The following MCM4 variants were observed in gnomAD, a reference collection of about 807,000 sequenced individuals.
MCM4 encodes the protein minichromosome maintenance complex component 4, also known as DNA replication licensing factor MCM4.
MCM4 carries 60 observed loss-of-function variants against 88.7 expected under a neutral mutation model. The observed-to-expected ratio is 0.68, with a 90% CI of 0.55 to 0.84. The LOEUF (loss-of-function observed/expected upper bound fraction) is 0.84, where lower values mean the gene tolerates loss of function less well. Ranked by LOEUF, MCM4 falls within the 40% of genes least tolerant of loss-of-function variation. MCM4 has a pLI of 0.00. For missense variants in MCM4, 1,149 were observed against 1,105.5 expected (o/e 1.04, Z -0.56); for synonymous variants, 465 against 410.5 (o/e 1.13, Z -1.61).
At chr8:47,966,144 A>G (rs931579455) in intron 8 of MCM4, 43 bp from the exon 9 acceptor site, 1 of 1,533,534 alleles carries the variant, frequency 6.5e-7, no homozygotes. Flanking sequence ...CTGGACCTCC[A>G]CACCTCAGGT....
Position 47,966,366 on chromosome 8 carries a change from G to A in MCM4, c.1012G>A (p.Ala338Thr), listed in dbSNP as rs760155775. ...CGRCHTTHSMALIHNRSLFSD... is the reference protein window; with the variant it reads ...CGRCHTTHSMTLIHNRSLFSD... Reference sequence around the variant, plus strand: ...GCGCTGCCACACCACCCACAGCATGGCACTCATCCACAACCGCTCCCTCTT... The same window carrying A: ...GCGCTGCCACACCACCCACAGCATGACACTCATCCACAACCGCTCCCTCTT... The change falls in exon 9 of 17, where the codon GCA becomes ACA. Residue 338 changes from alanine (A) to threonine (T), a missense_variant. Transcript: ENST00000649973. The A allele has an allele frequency of 1.9e-6, 3 of 1,613,582 alleles. No homozygotes were observed. The Admixed American group carries it at 5.0e-5, about 27-fold the overall frequency.
At chr8:47,972,124 C>T (rs1186784781) in intron 13 of MCM4, among the ~76,000 whole-genome samples, 2 of 149,132 alleles carry the variant, frequency 1.3e-5, no homozygotes, top group African/African-American at 2.5e-5. Context: ...CCCAGCTACT[C>T]GGGAGGCTGA....
intron 7 of MCM4, among the ~76,000 whole-genome samples, chr8:47,963,975 G>A (rs2090873167): frequency 6.6e-6 from 1 of 152,226 alleles, no homozygotes; most frequent in Admixed American, 6.5e-5. Flanking sequence ...TGTGATCCCA[G>A]CACTTTGGGA....
In MCM4 at chr8:47,962,055, A is replaced by T; in HGVS notation, c.238A>T (p.Ile80Phe). 4 of 1,613,836 alleles carry T rather than the reference A, an allele frequency of 2.5e-6. No homozygotes were observed. The highest frequency in any genetic ancestry group is 3.4e-6 in the Non-Finnish European group (4 of 1,179,914). Reference sequence around the variant, plus strand: ...ATTTCCTAATTTTGTTTTTATAGCTATCCCTCTTGACTTTGATGTTAGTTC... The same window carrying T: ...ATTTCCTAATTTTGTTTTTATAGCTTTCCCTCTTGACTTTGATGTTAGTTC... ...SSPPQMHSSA[I>F]PLDFDVSSPL... The change falls in exon 4 of 17, where the codon ATC becomes TTC. Residue 80 changes from isoleucine to phenylalanine, a missense_variant and splice_region_variant. Around this residue, in one of 3 missense-constraint regions of MCM4, gnomAD observed 906 missense variants for 843.0 expected, o/e 1.07. Transcript: ENST00000649973.
chr8:47,963,077 A>G (rs749814183), intron 7 of MCM4, 37 bp downstream of exon 7: 3 of 1,169,968 alleles, frequency 2.6e-6, no homozygotes, highest in African/African-American at 1.5e-5. Context: ...AATTTTAGTA[A>G]CAGTCTAGAA....
rs2091010586 is a variant in MCM4 at position 47,977,412 on chromosome 8, A to G, written c.*634A>G. The G allele has an allele frequency of 6.6e-6, 1 of 152,262 alleles. No homozygotes were observed. The highest frequency in any genetic ancestry group is 2.4e-5 in the African/African-American group (1 of 41,424). The allele number at this position is 152,262 out of a possible 1,614,324, so 9.4% of individuals were successfully genotyped here. On this transcript the variant is annotated 3_prime_UTR_variant, in exon 17 of 17. Transcript: ENST00000649973. ...CATGGTTTGTGTGCTGGACTTTCTCATGGCCATCATCAGTATGCTTATGGA... is the reference window on the plus strand; with the variant it reads ...CATGGTTTGTGTGCTGGACTTTCTCGTGGCCATCATCAGTATGCTTATGGA...
chr8:47,963,032 T>C lies in MCM4; in HGVS notation c.685T>C (p.Tyr229His). ...AAATTTGTACAGACAACTCATCTCT[T>C]ACCCACAGGTAAGAATTTAGCTTTG... ...DKNLYRQLIS[Y>H]PQEVIPTFDM... is the part of the protein sequence containing the mutation. Residue 229 changes from tyrosine (Y) to histidine (H), a missense_variant, in exon 7 of 17, where the codon TAC (tyrosine) becomes CAC (histidine). Physicochemically the swap from Tyr to His is moderately conservative, Grantham distance 83. Around this residue, in one of 3 missense-constraint regions of MCM4, gnomAD observed 906 missense variants for 843.0 expected, o/e 1.07. Transcript: ENST00000649973. 6.3e-7 allele frequency: 1 copy of C among 1,577,202 alleles called. No individual in the cohort carries two copies. The highest frequency in any genetic ancestry group is 8.6e-7 in the Non-Finnish European group (1 of 1,156,206).
chr8:47,961,351 A>G, intron 2 of MCM4, 137 bp downstream of exon 2: 1 of 1,477,634 alleles, frequency 6.8e-7, no homozygotes, highest in Non-Finnish European at 8.9e-7. Flanking sequence ...TGGTGCGCAC[A>G]GACACCCACA....
intron 2 of MCM4, 146 bp downstream of exon 2, chr8:47,961,360 C>T: frequency 2.7e-6 from 4 of 1,492,866 alleles, no homozygotes; most frequent in Non-Finnish European, 2.7e-6. Flanking sequence ...CAGACACCCA[C>T]AGCAGGCTGT....
intron 8 of MCM4, 88 bp downstream of exon 8, chr8:47,964,800 A>C: frequency 8.6e-7 from 1 of 1,159,652 alleles, no homozygotes; most frequent in Non-Finnish European, 1.2e-6. Flanking sequence ...TTATGAAAGA[A>C]GTAATTGGCG....
rs886062974 is a variant in MCM4 at position 47,961,632 on chromosome 8, G to T, written c.187G>T (p.Ala63Ser). ...TSPGVDLQSP[A>S]AQDVLFSSPP... ...GCCTGGAGTGGACCTGCAGAGCCCT[G>T]CTGCGCAGGACGTGCTGTTTTCCAG... is the stretch of plus-strand genomic sequence containing the variant. Residue 63 changes from alanine to serine, a missense_variant, in exon 3 of 17, where the codon GCT becomes TCT. Transcript: ENST00000649973. The T allele has an allele frequency of 5.6e-6, 9 of 1,613,912 alleles. No individual in the cohort carries two copies. The highest frequency in any genetic ancestry group is 7.6e-6 in the Non-Finnish European group (9 of 1,179,932).
chr8:47,976,279 C>T (rs1563836952), intron 16 of MCM4, among the ~76,000 whole-genome samples: 1 of 144,956 alleles, frequency 6.9e-6, no homozygotes, highest in Non-Finnish European at 1.5e-5. Context: ...GGCACCAGAG[C>T]GGAACTCCAT....
chr8:47,964,482 T>C (rs972149343), intron 7 of MCM4, 92 bp from the exon 8 acceptor site: 1 of 958,946 alleles, frequency 1.0e-6, no homozygotes, highest in Non-Finnish European at 1.5e-6. Flanking sequence ...ACATGACATG[T>C]TGTCTTTTTA....
In MCM4 at chr8:47,976,889, G is replaced by A. The variant is rs2091006351; in HGVS notation, c.*111G>A. On this transcript the variant is annotated 3_prime_UTR_variant, in exon 17 of 17. Coordinates refer to ENST00000649973, the MANE Select transcript of MCM4 (RefSeq NM_182746.3). The stretch of plus-strand genomic sequence containing the variant: ...AGTGTAAATAGAGCTTAAAGTCATG[G>A]TTTGGCTGCATAAAAATTTTCTAAC... 3.1e-6 allele frequency: 2 copies of A among 641,046 alleles called. No homozygotes were observed. Among genetic ancestry groups the A allele is most frequent in the Non-Finnish European group, 2.8e-6 (1 of 363,616 alleles). 39.7% of individuals were successfully genotyped at this position (641,046 alleles called of 1,614,324 possible).
intron 13 of MCM4, 120 bp downstream of exon 13, chr8:47,971,588 A>C: frequency 8.9e-7 from 1 of 1,124,360 alleles, no homozygotes; most frequent in Non-Finnish European, 1.3e-6. Flanking sequence ...AGATGTTTCA[A>C]ATTTGGTTGG....
rs1410601897 is a variant in MCM4 at position 47,971,604 on chromosome 8, A to G, written c.1928+136A>G. ...GATGTTTCAAATTTGGTTGGTCAAG[A>G]GTTTTCACGACAAGGATGATGTGTG... On this transcript the variant is annotated intron_variant, in intron 13 of 16. Coordinates refer to ENST00000649973, the MANE Select transcript of MCM4 (RefSeq NM_182746.3). 3.5e-6 allele frequency: 3 copies of G among 862,956 alleles called. No homozygotes were observed. The African/African-American group carries it at 5.1e-5, about 15-fold the overall frequency. 53.5% of individuals were successfully genotyped at this position (862,956 alleles called of 1,614,324 possible). A position where few individuals can be genotyped will look rare whatever the true frequency, so the allele number is the denominator to read the frequency against.
At chr8:47,965,516 G>A (rs1207273531) in intron 8 of MCM4, among the ~76,000 whole-genome samples, 3 of 152,154 alleles carry the variant, frequency 2.0e-5, no homozygotes, top group Non-Finnish European at 4.4e-5. Context: ...GGCAGGATAG[G>A]GTGATCTTCA....
At chr8:47,968,007 C>G (rs1331818699) in intron 10 of MCM4, among the ~76,000 whole-genome samples, 4 of 152,184 alleles carry the variant, frequency 2.6e-5, no homozygotes, top group Non-Finnish European at 4.4e-5. Flanking sequence ...GATGCATAGA[C>G]AGCAGTAGCT....
Position 47,963,942 on chromosome 8 carries a change from C to T in MCM4, c.694-632C>T, listed in dbSNP as rs144647972. On this transcript the variant is annotated intron_variant, in intron 7 of 16. Coordinates refer to ENST00000649973, the MANE Select transcript of MCM4 (RefSeq NM_182746.3). Reference sequence around the variant, plus strand: ...AATATGATTTAACTTACTTTGGTATCGCCAGGCACGGTGGCTCATGCCTGT... The same window carrying T: ...AATATGATTTAACTTACTTTGGTATTGCCAGGCACGGTGGCTCATGCCTGT... 1.7e-4 allele frequency among the ~76,000 whole-genome samples: 26 copies of T among 152,284 alleles called. 1 individual carries two copies. Among genetic ancestry groups the T allele is most frequent in the African/African-American group, 5.5e-4 (23 of 41,538 alleles).
Sources: allele counts gnomAD v4.1 joint callset (sites outside exome capture counted in the v4.1 genomes callset), GRCh38; gene constraint gnomAD v4.1.1; regional missense constraint gnomAD v4.1.1; transcripts MANE v1.5; gene names NCBI Gene and HGNC (gene_info 2026-07-23, HGNC 2026-07-21).